The following DMD variants were observed in gnomAD, a reference collection of about 807,000 sequenced individuals.
DMD encodes the protein dystrophin, also known as mutant dystrophin.
DMD carries 63 observed loss-of-function variants against 330.1 expected under a neutral mutation model. That is an observed-to-expected ratio of 0.19 (90% CI 0.16 to 0.24). DMD has a LOEUF of 0.24. Among genes scored for constraint, DMD ranks in the 10% least tolerant of loss-of-function variants. The pLI, the probability that DMD is intolerant of heterozygous loss-of-function variation, is 1.00. For missense variants in DMD, 3,344 were observed against 2,684.1 expected (o/e 1.25, Z -5.43); for synonymous variants, 1,223 against 959.8 (o/e 1.27, Z -5.07).
chrX:32,408,253 G>T (rs2098127100), intron 30 of DMD, among the ~76,000 whole-genome samples: 1 of 111,772 alleles, frequency 8.9e-6, no homozygotes, highest in African/African-American at 3.3e-5. Flanking sequence ...CTGTAGGTAA[G>T]CTCATGTCAC....
At chrX:32,586,098 A>T (rs890865424) in intron 13 of DMD, among the ~76,000 whole-genome samples, 55 of 111,400 alleles carry the variant, frequency 4.9e-4, no homozygotes, top group Non-Finnish European at 1.0e-3. Context: ...TGCACATATC[A>T]AAGCTGATCA....
chrX:32,059,554 T>G (rs2096207556), intron 44 of DMD, among the ~76,000 whole-genome samples: 1 of 112,151 alleles, frequency 8.9e-6, no homozygotes, highest in African/African-American at 3.2e-5. Flanking sequence ...GTGAGATCAT[T>G]GTGAACTAGA....
At chrX:32,078,099 C>T (rs1304147590) in intron 44 of DMD, among the ~76,000 whole-genome samples, 1 of 111,357 alleles carries the variant, frequency 9.0e-6, no homozygotes, top group Non-Finnish European at 1.9e-5. Flanking sequence ...ATTCAGTTTC[C>T]TAGGGTCTCT....
At chrX:32,052,117 G>A (rs1001078711) in intron 44 of DMD, among the ~76,000 whole-genome samples, 7 of 111,921 alleles carry the variant, frequency 6.3e-5, no homozygotes, top group Non-Finnish European at 1.1e-4. Flanking sequence ...AGGAAAATAA[G>A]TTTTCTTAGT....
intron 11 of DMD, among the ~76,000 whole-genome samples, chrX:32,624,226 G>T (rs1281009645): frequency 1.8e-5 from 2 of 111,930 alleles, no homozygotes; most frequent in Non-Finnish European, 3.8e-5. Context: ...AAAAGCAAAA[G>T]GTGAATGGAG....
chrX:31,848,521 T>G (rs2149542406), intron 48 of DMD, among the ~76,000 whole-genome samples: 1 of 111,288 alleles, frequency 9.0e-6, no homozygotes, highest in African/African-American at 3.3e-5. Flanking sequence ...ACATTTCCAT[T>G]AAGGTTTTTT....
chrX:31,233,369 C>T (rs141094750), intron 63 of DMD, among the ~76,000 whole-genome samples: 266 of 111,981 alleles, frequency 2.4e-3, no homozygotes, highest in African/African-American at 8.0e-3. Context: ...ACACACATCC[C>T]AGATTCGCCA....
Position 32,362,087 on chromosome X carries a change from C to T in DMD, c.5325+701G>A, listed in dbSNP as rs139209939. 1.4e-4 allele frequency among the ~76,000 whole-genome samples: 16 copies of T among 111,566 alleles called. No individual in the cohort carries two copies. The East Asian group carries it at 4.2e-3, about 29-fold the overall frequency. On this transcript the variant is annotated intron_variant, in intron 37 of 78. Transcript: ENST00000357033. ...TCATACACAAATATAAAGTCTATCA[C>T]GCAAAAGTTCCATATTCCCTGGTTC...
chrX:32,875,836 C>T (rs1236139558), intron 2 of DMD, among the ~76,000 whole-genome samples: 2 of 111,882 alleles, frequency 1.8e-5, no homozygotes, highest in African/African-American at 6.5e-5. Context: ...TTGCTGGCTT[C>T]TCTATATCTG....
rs146161219 is a variant in DMD, at chrX:31,213,325, T to C, written c.9362-3626A>G. 8.1e-3 allele frequency among the ~76,000 whole-genome samples: 918 copies of C among 112,687 alleles called. 15 individuals are homozygous for C. The highest frequency in any genetic ancestry group is 0.028 in the African/African-American group (859 of 31,023). The stretch of plus-strand genomic sequence containing the variant: ...AGCCATGGGTTGCAGGTTATCACCA[T>C]TGTTTATTGCTAACAGTAACATTGA... On this transcript the variant is annotated intron_variant, in intron 64 of 78. Transcript: ENST00000357033.
At chrX:31,426,804 T>G (rs1884678994) in intron 60 of DMD, among the ~76,000 whole-genome samples, 1 of 112,081 alleles carries the variant, frequency 8.9e-6, no homozygotes, top group Non-Finnish European at 1.9e-5. Context: ...GAGGCTGGCA[T>G]GAAAGCAGGA....
chrX:31,951,155 A>ACG (rs2095168833), intron 45 of DMD, among the ~76,000 whole-genome samples: 2 of 84,375 alleles, frequency 2.4e-5, no homozygotes, highest in Non-Finnish European at 4.4e-5. Flanking sequence ...ATATATATAT[A>ACG]TATGTATATA....
At chrX:31,847,278 A>G (rs898907239) in intron 48 of DMD, among the ~76,000 whole-genome samples, 4 of 111,905 alleles carry the variant, frequency 3.6e-5, no homozygotes, top group African/African-American at 1.3e-4. Context: ...GCAATGGGTG[A>G]AAGAATTCAT....
Position 32,448,494 on chromosome X carries a change from G to A in DMD, c.3748C>T (p.Leu1250Phe). The A allele has an allele frequency of 8.3e-7, 1 of 1,208,702 alleles. No homozygotes were observed. The highest frequency in any genetic ancestry group is 1.1e-6 in the Non-Finnish European group (1 of 893,313). Residue 1250 changes from leucine (L) to phenylalanine (F), a missense_variant, in exon 27 of 79, where the codon CTC becomes TTC. Coordinates refer to ENST00000357033, the MANE Select transcript of DMD (RefSeq NM_004006.3). ...LETLTTNYQWLCTRLNGKCKT... is the reference protein window; with the variant it reads ...LETLTTNYQWFCTRLNGKCKT... Reference sequence around the variant, plus strand: ...CATTTCCCATTCAGCCTAGTGCAGAGCCACTGGTAGTTGGTGGTTAGAGTT... The same window carrying A: ...CATTTCCCATTCAGCCTAGTGCAGAACCACTGGTAGTTGGTGGTTAGAGTT...
At chrX:31,321,042 G>A (rs1044166022) in intron 62 of DMD, among the ~76,000 whole-genome samples, 2 of 111,589 alleles carry the variant, frequency 1.8e-5, no homozygotes, top group African/African-American at 6.5e-5. Context: ...TGAAATTGGA[G>A]TGGGTTGATA....
rs2090506459 is a variant in DMD at position 31,774,004 on chromosome X, C to T, written c.7498G>A (p.Val2500Met). Residue 2500 changes from valine to methionine, a missense_variant, in exon 51 of 79, where the codon GTG becomes ATG. Val to Met is a conservative substitution (Grantham distance 21). Coordinates refer to ENST00000357033, the MANE Select transcript of DMD (RefSeq NM_004006.3). ...DQVIKSQRVM[V>M]GDLEDINEMI... Reference sequence around the variant, plus strand: ...TCGTTGATATCCTCAAGGTCACCCACCATCACCCTCTGTGATTTTATAACT... The same window carrying T: ...TCGTTGATATCCTCAAGGTCACCCATCATCACCCTCTGTGATTTTATAACT... The T allele has an allele frequency of 2.5e-6, 3 of 1,207,149 alleles. No homozygotes were observed. Among genetic ancestry groups the T allele is most frequent in the Admixed American group, 2.2e-5 (1 of 45,235 alleles).
chrX:31,569,585 A>AAT (rs1172602723), intron 55 of DMD, among the ~76,000 whole-genome samples: 24 of 89,440 alleles, frequency 2.7e-4, no homozygotes, highest in African/African-American at 8.0e-4. Context: ...ATATATATAA[A>AAT]ATATATATAT....
chrX:32,045,550 G>C (rs1345099608), intron 44 of DMD, among the ~76,000 whole-genome samples: 1 of 109,987 alleles, frequency 9.1e-6, no homozygotes, highest in Non-Finnish European at 1.9e-5. Context: ...ACATTACCCA[G>C]TCTCGGCTAT....
At chrX:33,276,493 T>G (rs1415011996) in intron 1 of DMD, among the ~76,000 whole-genome samples, 1 of 111,038 alleles carries the variant, frequency 9.0e-6, no homozygotes. Flanking sequence ...AATCATGAAG[T>G]CTAAAAGTCC....
Sources: gnomAD v4.1 joint callset for allele counts (sites outside exome capture counted in the v4.1 genomes callset) on GRCh38, gnomAD v4.1.1 for gene constraint, MANE v1.5 for transcripts, NCBI Gene and HGNC (gene_info 2026-07-23, HGNC 2026-07-21) for gene names.